Variants in CDH8 observed in about 807,000 individuals in gnomAD.
CDH8 encodes the protein cadherin-8.
CDH8 carries 17 observed loss-of-function variants against 68.1 expected under a neutral mutation model. The observed-to-expected ratio is 0.25, with a 90% CI of 0.17 to 0.37. The LOEUF (loss-of-function observed/expected upper bound fraction) is 0.37. Among genes scored for constraint, CDH8 ranks in the 10% least tolerant of loss-of-function variants. The probability of loss-of-function intolerance (pLI) is 1.00; values close to 1 mark genes in which losing one functional copy is unlikely to be tolerated. For missense variants in CDH8, 763 were observed against 999.3 expected, an observed-to-expected ratio of 0.76 and a Z score of 3.19; for synonymous variants, 372 against 365.1, an observed-to-expected ratio of 1.02 and a Z score of -0.21.
intron 2 of CDH8, among the ~76,000 whole-genome samples, chr16:62,006,292 C>T (rs1054726085): frequency 5.9e-5 from 9 of 152,138 alleles, no homozygotes; most frequent in African/African-American, 2.2e-4. Flanking sequence ...AAGAGCCCTT[C>T]CGTGTGTAAA....
At chr16:61,832,741 A>T (rs1191638809) in intron 4 of CDH8, among the ~76,000 whole-genome samples, 2 of 151,868 alleles carry the variant, frequency 1.3e-5, no homozygotes, top group East Asian at 3.9e-4. Flanking sequence ...TATAGATATC[A>T]AAGGCATACA....
rs570161067 is a variant in CDH8 at position 61,688,202 on chromosome 16, A to G, written c.1654+25639T>C. Among the ~76,000 whole-genome samples, 3 of 152,138 alleles carry G rather than the reference A, an allele frequency of 2.0e-5. No individual in the cohort carries two copies. In the South Asian group the frequency reaches 6.2e-4, roughly 32 times the overall value. On this transcript the variant is annotated intron_variant, in intron 10 of 11. Coordinates refer to ENST00000577390, the MANE Select transcript of CDH8 (RefSeq NM_001796.5). Reference sequence around the variant, plus strand: ...TTTCATTGTGTCACCTGCCAGTGTTAGCTCTACCCTTCCATACCCACCTCC... The same window carrying G: ...TTTCATTGTGTCACCTGCCAGTGTTGGCTCTACCCTTCCATACCCACCTCC...
At chr16:61,979,977 A>G (rs1390064194) in intron 2 of CDH8, among the ~76,000 whole-genome samples, 1 of 152,170 alleles carries the variant, frequency 6.6e-6, no homozygotes, top group Non-Finnish European at 1.5e-5. Context: ...CACTCAGGCT[A>G]TGTGCTAAAT....
chr16:61,974,345 CTG>C (rs1316569400), intron 2 of CDH8, among the ~76,000 whole-genome samples: 1 of 152,134 alleles, frequency 6.6e-6, no homozygotes, highest in Non-Finnish European at 1.5e-5. Flanking sequence ...GGGTACCAAC[CTG>C]TGTCAGGGAA....
chr16:61,722,457 T>C (rs1395146293), intron 9 of CDH8, among the ~76,000 whole-genome samples: 1 of 150,842 alleles, frequency 6.6e-6, no homozygotes, highest in Non-Finnish European at 1.5e-5. Context: ...TTCACTAAAT[T>C]CATAAGAAAA....
intron 2 of CDH8, among the ~76,000 whole-genome samples, chr16:61,970,134 T>C (rs926008727): frequency 6.6e-6 from 1 of 152,212 alleles, no homozygotes; most frequent in Non-Finnish European, 1.5e-5. Flanking sequence ...GCTGAACTTT[T>C]ACCTAAGTTA....
Position 62,021,262 on chromosome 16 carries a change from T to G in CDH8, c.142A>C (p.Ser48Arg). ...AAAATTCGCTGTTCTTCACCCAGAC[T>G]GTTTAGTTCCAAAGGGGATCCACTC... ...LMSGSPLELN[S>R]LGEEQRILNR... Residue 48 changes from serine (S) to arginine (R), a missense_variant, in exon 2 of 12, where the codon AGT (serine) becomes CGT (arginine). Around this residue, in one of 2 missense-constraint regions of CDH8, gnomAD observed 366 missense variants for 563.1 expected, o/e 0.65. Transcript: ENST00000577390. 6.2e-7 allele frequency: 1 copy of G among 1,614,030 alleles called. No individual in the cohort carries two copies.
chr16:61,741,238 T>A (rs1211110082), intron 8 of CDH8, among the ~76,000 whole-genome samples: 1 of 152,202 alleles, frequency 6.6e-6, no homozygotes, highest in African/African-American at 2.4e-5. Context: ...GTTAATTAAG[T>A]TGCCTATATT....
intron 2 of CDH8, among the ~76,000 whole-genome samples, chr16:61,993,136 T>C (rs1965753739): frequency 6.6e-6 from 1 of 151,978 alleles, no homozygotes; most frequent in Non-Finnish European, 1.5e-5. Flanking sequence ...TCAAAGAAAA[T>C]TTTTCTATGT....
chr16:61,751,382 TAAAAAAAAAAAAAAAAA>T (rs71134375), intron 8 of CDH8, among the ~76,000 whole-genome samples: 2 of 54,138 alleles, frequency 3.7e-5, no homozygotes, highest in Non-Finnish European at 6.2e-5. Flanking sequence ...ATATTCTCCT[TAAAAAAAAAAAAAAAAA>T]AAAAAAAAAA....
At chr16:62,026,609 A>T (rs1902203778) in intron 1 of CDH8, among the ~76,000 whole-genome samples, 1 of 152,238 alleles carries the variant, frequency 6.6e-6, no homozygotes, top group African/African-American at 2.4e-5. Flanking sequence ...ATATGAATAT[A>T]TGCAATTTTA....
At chr16:61,977,095 C>T (rs1303775880) in intron 2 of CDH8, among the ~76,000 whole-genome samples, 1 of 152,092 alleles carries the variant, frequency 6.6e-6, no homozygotes, top group East Asian at 1.9e-4. Flanking sequence ...AATAAATAAA[C>T]TCTTACTGCT....
Position 61,721,073 on chromosome 16 carries a change from A to T in CDH8, c.1536+6021T>A, listed in dbSNP as rs184310608. Among the ~76,000 whole-genome samples, 52 of 150,752 alleles carry T rather than the reference A, an allele frequency of 3.4e-4. 2 individuals are homozygous for T. In the East Asian group the frequency reaches 8.0e-3, roughly 23 times the overall value. On this transcript the variant is annotated intron_variant, in intron 9 of 11. Coordinates refer to ENST00000577390, the MANE Select transcript of CDH8 (RefSeq NM_001796.5). Reference sequence around the variant, plus strand: ...AAAACTAGTAAATAGGAAAGATCTGATCTCACATTTAGATTGTTCAAGCTC... The same window carrying T: ...AAAACTAGTAAATAGGAAAGATCTGTTCTCACATTTAGATTGTTCAAGCTC...
chr16:61,800,911 C>T (rs910058518), intron 7 of CDH8, among the ~76,000 whole-genome samples: 9 of 152,054 alleles, frequency 5.9e-5, no homozygotes. Flanking sequence ...AAATGACTCC[C>T]ATAAATATTT....
At chr16:61,976,402 C>T (rs1055862344) in intron 2 of CDH8, among the ~76,000 whole-genome samples, 13 of 152,218 alleles carry the variant, frequency 8.5e-5, no homozygotes, top group African/African-American at 2.6e-4. Flanking sequence ...CTCTCTTTCT[C>T]GACTGTTCAG....
At position 61,653,761 on chromosome 16, in the gene CDH8, A is replaced by C; in HGVS notation, c.2247T>G (p.Tyr749Ter). The change falls in exon 12 of 12, where the codon TAT becomes TAG. Residue 749 changes from tyrosine to a stop codon, truncating the protein, a stop_gained. Coordinates refer to ENST00000577390, the MANE Select transcript of CDH8 (RefSeq NM_001796.5). LOFTEE classifies it high-confidence loss of function. ...PPYDSIQIYG[Y>*]EGRGSVAGSL... Reference sequence around the variant, plus strand: ...AGCCAGCCACTGACCCTCGGCCTTCATAGCCATATATCTGAATGGAGTCAT... The same window carrying C: ...AGCCAGCCACTGACCCTCGGCCTTCCTAGCCATATATCTGAATGGAGTCAT... The C allele has an allele frequency of 6.2e-7, 1 of 1,614,214 alleles. No individual in the cohort carries two copies. The highest frequency in any genetic ancestry group is 8.5e-7 in the Non-Finnish European group (1 of 1,180,036).
At chr16:61,773,363 A>C (rs1255165071) in intron 8 of CDH8, among the ~76,000 whole-genome samples, 1 of 151,988 alleles carries the variant, frequency 6.6e-6, no homozygotes, top group East Asian at 2.0e-4. Context: ...CCCACTTTGC[A>C]AAGCTTAAAG....
chr16:61,907,061 C>A (rs184569644), intron 2 of CDH8, among the ~76,000 whole-genome samples: 1 of 152,184 alleles, frequency 6.6e-6, no homozygotes, highest in African/African-American at 2.4e-5. Context: ...GTTGCACACA[C>A]TGATTGTGAA....
intron 2 of CDH8, among the ~76,000 whole-genome samples, chr16:61,912,173 T>C (rs898460389): frequency 2.0e-5 from 3 of 151,560 alleles, no homozygotes; most frequent in African/African-American, 7.3e-5. Context: ...ATAAAAGGAG[T>C]ATGGGGCAAT....
Sources: gnomAD v4.1 joint callset for allele counts (sites outside exome capture counted in the v4.1 genomes callset) on GRCh38, gnomAD v4.1.1 for gene constraint, gnomAD v4.1.1 regional missense constraint, MANE v1.5 for transcripts, NCBI Gene and HGNC (gene_info 2026-07-23, HGNC 2026-07-21) for gene names.